Variants in PRSS23 observed in about 807,000 individuals in gnomAD.
The protein encoded by PRSS23 is protease, serine 23.
In PRSS23, 25 loss-of-function variants were observed where a neutral mutation model predicts 34.7. That is an observed-to-expected ratio of 0.72 (90% CI 0.53 to 1.01). PRSS23 has a LOEUF of 1.01. Ranked by LOEUF, PRSS23 falls within the 50% of genes least tolerant of loss-of-function variation. The probability of loss-of-function intolerance (pLI) is 0.00; values close to 1 mark genes in which losing one functional copy is unlikely to be tolerated. For synonymous variants in PRSS23, 176 were observed against 186.6 expected, an observed-to-expected ratio of 0.94 and a Z score of 0.46; for missense variants, 445 against 475.6, an observed-to-expected ratio of 0.94 and a Z score of 0.60.
chr11:86,853,946 A>G (rs1012308950), intron 2 of PRSS23, among the ~76,000 whole-genome samples: 4 of 152,012 alleles, frequency 2.6e-5, no homozygotes, highest in African/African-American at 7.3e-5. Flanking sequence ...TTTGATTTGT[A>G]CTTCCTTAAG....
At chr11:86,873,296 ATT>A (rs1047468718) in intron 2 of PRSS23, among the ~76,000 whole-genome samples, 79 of 112,494 alleles carry the variant, frequency 7.0e-4, no homozygotes, top group African/African-American at 1.8e-3. Flanking sequence ...ATATATATAT[ATT>A]TTTTTTCTTT....
At chr11:86,929,875 G>C (rs1949111834) in intron 2 of PRSS23, among the ~76,000 whole-genome samples, 1 of 152,146 alleles carries the variant, frequency 6.6e-6, no homozygotes, top group Non-Finnish European at 1.5e-5. Flanking sequence ...AGCTCTCTAA[G>C]TTGTGAAATG....
chr11:86,807,593 C>T (rs1194624012), intron 1 of PRSS23, 38 bp from the exon 2 acceptor site: 3 of 1,514,152 alleles, frequency 2.0e-6, no homozygotes. Context: ...GAACGTTCAG[C>T]CCTTGCCCTC....
intron 2 of PRSS23, among the ~76,000 whole-genome samples, chr11:86,841,624 A>C (rs953669323): frequency 2.6e-5 from 4 of 152,128 alleles, no homozygotes; most frequent in African/African-American, 7.3e-5. Context: ...TCCCACAGAA[A>C]TACAAACTAC....
chr11:86,810,170 T>C lies in PRSS23; in HGVS notation c.*1375T>C, dbSNP rs1457977788. 1 of 166,676 alleles carries C rather than the reference T, an allele frequency of 6.0e-6. No individual in the cohort carries two copies. The highest frequency in any genetic ancestry group is 1.5e-5 in the Non-Finnish European group (1 of 68,126). 10.3% of individuals were successfully genotyped at this position (166,676 alleles called of 1,614,324 possible). ...CATATACAGAAAAGACTTGGACTTA[T>C]TGTATGTTTTTATTTTATGGCTCTC... On this transcript the variant is annotated 3_prime_UTR_variant, in exon 2 of 2. Coordinates refer to ENST00000280258, the MANE Select transcript of PRSS23 (RefSeq NM_007173.6).
At chr11:86,814,191 C>T (rs1948199255), downstream of PRSS23, among the ~76,000 whole-genome samples, 1 of 152,172 alleles carries the variant, frequency 6.6e-6, no homozygotes, top group Non-Finnish European at 1.5e-5. Flanking sequence ...TATAGGATCT[C>T]TGATTGTGAA....
At chr11:86,841,378 G>A (rs1483108558) in intron 2 of PRSS23, among the ~76,000 whole-genome samples, 2 of 147,050 alleles carry the variant, frequency 1.4e-5, no homozygotes, top group East Asian at 2.0e-4. Context: ...AAAAGAACAA[G>A]GACTAGGGAA....
chr11:86,880,914 T>G (rs1948768513), intron 2 of PRSS23, among the ~76,000 whole-genome samples: 1 of 152,172 alleles, frequency 6.6e-6, no homozygotes, highest in Non-Finnish European at 1.5e-5. Flanking sequence ...CTTGCAGAAT[T>G]TATTTATTAG....
intron 2 of PRSS23, among the ~76,000 whole-genome samples, chr11:86,876,926 C>T (rs1322696629): frequency 2.0e-5 from 3 of 152,232 alleles, no homozygotes; most frequent in Non-Finnish European, 4.4e-5. Flanking sequence ...AGTCTCACCA[C>T]TAATGTCAAC....
chr11:86,952,519 A>C, exon 3 of PRSS23: 1 of 1,597,358 alleles, frequency 6.3e-7, no homozygotes, highest in East Asian at 2.2e-5. Flanking sequence ...ATGACTTGGA[A>C]GTTTGACCAA....
intron 1 of PRSS23, among the ~76,000 whole-genome samples, chr11:86,819,383 AT>A (rs1034802612): frequency 2.6e-5 from 4 of 150,974 alleles, no homozygotes; most frequent in Admixed American, 6.6e-5. Flanking sequence ...TATTGGCTCC[AT>A]TTTTTTTTAG....
intron 2 of PRSS23, among the ~76,000 whole-genome samples, chr11:86,827,447 G>A (rs1475115625): frequency 6.6e-6 from 1 of 152,030 alleles, no homozygotes; most frequent in Non-Finnish European, 1.5e-5. Flanking sequence ...AAAACCAGCT[G>A]CTGGATTCAT....
At chr11:86,898,811 G>T (rs942705237) in intron 2 of PRSS23, among the ~76,000 whole-genome samples, 1 of 152,166 alleles carries the variant, frequency 6.6e-6, no homozygotes, top group Non-Finnish European at 1.5e-5. Context: ...CCTCTACATG[G>T]AGAAAACAAG....
intron 2 of PRSS23, among the ~76,000 whole-genome samples, chr11:86,880,478 A>G (rs1164311287): frequency 1.3e-5 from 2 of 152,056 alleles, no homozygotes; most frequent in Non-Finnish European, 2.9e-5. Flanking sequence ...TAAGCCAAAA[A>G]AAAATACACT....
rs748898263 is a variant in PRSS23, at chr11:86,807,642, G to T, written c.-2G>T. The T allele has an allele frequency of 1.8e-5, 29 of 1,606,542 alleles. No homozygotes were observed. The highest frequency in any genetic ancestry group is 3.4e-4 in the Middle Eastern group (2 of 5,966). On this transcript the variant is annotated 5_prime_UTR_variant, in exon 2 of 2. Coordinates refer to ENST00000280258, the MANE Select transcript of PRSS23 (RefSeq NM_007173.6). ...CTTTGTTTCTACAGAACAGTGCTCG[G>T]CATGGCAGGGATTCCAGGGCTCCTC...
chr11:86,871,078 C>T (rs1467722306), intron 2 of PRSS23, among the ~76,000 whole-genome samples: 1 of 152,082 alleles, frequency 6.6e-6, no homozygotes, highest in African/African-American at 2.4e-5. Flanking sequence ...ACTGGACCAG[C>T]TGAATTGGAG....
intron 2 of PRSS23, among the ~76,000 whole-genome samples, chr11:86,894,099 C>T (rs184849299): frequency 4.6e-5 from 7 of 152,130 alleles, no homozygotes; most frequent in Non-Finnish European, 8.8e-5. Context: ...CTGCAACCTC[C>T]GCCTCCTGGA....
intron 2 of PRSS23, chr11:86,857,700 G>A: frequency 1.6e-6 from 1 of 628,804 alleles, no homozygotes; most frequent in Non-Finnish European, 2.8e-6. Context: ...ATGCAAAAAG[G>A]ACAAAGAAAG....
chr11:86,947,260 T>A (rs1366545830), intron 2 of PRSS23: 2 of 167,296 alleles, frequency 1.2e-5, no homozygotes, highest in Non-Finnish European at 2.6e-5. Flanking sequence ...CCTTCCAAAG[T>A]CTGTGCTCAA....
Sources: gnomAD v4.1 joint callset for allele counts (sites outside exome capture counted in the v4.1 genomes callset) on GRCh38, gnomAD v4.1.1 for gene constraint, MANE v1.5 for transcripts, NCBI Gene and HGNC (gene_info 2026-07-23, HGNC 2026-07-21) for gene names.